RBFOX1: variants seen among roughly 807,000 people sequenced by gnomAD.
RBFOX1 encodes RNA binding fox-1 homolog 1.
Under a neutral mutation model 57.7 loss-of-function variants are expected in RBFOX1, and 8 were observed. The ratio of observed to expected loss-of-function variants is 0.14; its 90% CI spans 0.08 to 0.25. The LOEUF (loss-of-function observed/expected upper bound fraction) is 0.25, where lower values mean the gene tolerates loss of function less well. RBFOX1 is among the 10% of genes least tolerant of loss of function. RBFOX1 has a pLI of 1.00. For missense variants in RBFOX1, 611 were observed against 548.5 expected (o/e 1.11, Z -1.14); for synonymous variants, 326 against 222.4 (o/e 1.47, Z -4.15).
chr16:6,518,121 A>T (rs940594683), intron 2 of RBFOX1, among the ~76,000 whole-genome samples: 1 of 152,196 alleles, frequency 6.6e-6, no homozygotes, highest in Non-Finnish European at 1.5e-5. Flanking sequence ...CAATGGATGA[A>T]AATGTGGATT....
rs143773540 is a variant in RBFOX1 at position 6,822,485 on chromosome 16, A to G, written c.-16+167835A>G. ...AGAGAAAGGGTTATAAATAAAACAC[A>G]TGCATCAATCTGAGTTTCACAACAG... On this transcript the variant is annotated intron_variant, in intron 3 of 15. Coordinates refer to ENST00000550418, the MANE Select transcript of RBFOX1 (RefSeq NM_018723.4). Among the ~76,000 whole-genome samples the G allele has an allele frequency of 1.7e-4, 26 of 152,338 alleles. 1 individual carries two copies. In the East Asian group the frequency reaches 5.0e-3, roughly 29 times the overall value.
intron 4 of RBFOX1, among the ~76,000 whole-genome samples, chr16:7,067,119 C>T (rs1481759671): frequency 6.6e-6 from 1 of 152,152 alleles, no homozygotes; most frequent in Non-Finnish European, 1.5e-5. Context: ...CATATGCCAG[C>T]GGCAGCCTTC....
chr16:6,484,025 T>A lies in RBFOX1; in HGVS notation c.-64+166968T>A, dbSNP rs9927387. 7.2e-4 allele frequency: 586 copies of A among 816,948 alleles called. 2 individuals are homozygous for A. The African/African-American group carries it at 0.01, about 15-fold the overall frequency. The allele number at this position is 816,948 out of a possible 1,614,324, so 50.6% of individuals were successfully genotyped here. A position where few individuals can be genotyped will look rare whatever the true frequency, so the allele number is the denominator to read the frequency against. On this transcript the variant is annotated intron_variant, in intron 2 of 15. Coordinates refer to ENST00000550418, the MANE Select transcript of RBFOX1 (RefSeq NM_018723.4). ...ACACTTGGAGAGGGCTAGGGGGCGT[T>A]TAGAGGGATTGGGGAGCCCGGAGAT... is the stretch of plus-strand genomic sequence containing the variant.
intron 2 of RBFOX1, among the ~76,000 whole-genome samples, chr16:5,538,448 G>A (rs1240613547): frequency 6.6e-6 from 1 of 152,060 alleles, no homozygotes; most frequent in Non-Finnish European, 1.5e-5. Context: ...AAGGCTTTTA[G>A]ACGAAAAATG....
In RBFOX1 at chr16:5,661,788, T is replaced by C. The variant is rs80204843; in HGVS notation, c.318+62827T>C. Among the ~76,000 whole-genome samples the C allele has an allele frequency of 5.4e-3, 825 of 152,192 alleles. 6 individuals are homozygous for C. The highest frequency in any genetic ancestry group is 0.019 in the African/African-American group (794 of 41,496). Reference sequence around the variant, plus strand: ...TACATTGGATTCCCAAAACTTAGCCTTTTTTTATTTTTTTTGAGATGGAGT... The same window carrying C: ...TACATTGGATTCCCAAAACTTAGCCCTTTTTTATTTTTTTTGAGATGGAGT... On this transcript the variant is annotated intron_variant, in intron 3 of 19. Coordinates refer to the RBFOX1 transcript ENST00000641259.
intron 1 of RBFOX1, among the ~76,000 whole-genome samples, chr16:5,276,777 A>G (rs1450221812): frequency 2.0e-5 from 3 of 152,218 alleles, no homozygotes; most frequent in Non-Finnish European, 2.9e-5. Flanking sequence ...TCTCAAAACA[A>G]CAACAACAAA....
intron 2 of RBFOX1, among the ~76,000 whole-genome samples, chr16:6,346,214 T>C (rs2085342515): frequency 1.3e-5 from 2 of 152,186 alleles, no homozygotes; most frequent in Non-Finnish European, 1.5e-5. Flanking sequence ...TTATTATATA[T>C]AGTGCCAATA....
intron 4 of RBFOX1, among the ~76,000 whole-genome samples, chr16:7,105,493 C>T (rs929711571): frequency 3.3e-5 from 5 of 152,012 alleles, no homozygotes; most frequent in Admixed American, 1.3e-4. Flanking sequence ...CACCCTTTCC[C>T]CTGAGTCCAC....
intron 3 of RBFOX1, among the ~76,000 whole-genome samples, chr16:6,965,023 G>A (rs76141794): frequency 1.3e-5 from 2 of 152,128 alleles, no homozygotes; most frequent in Non-Finnish European, 2.9e-5. Context: ...TATGATTGTT[G>A]CTTTATTATC....
chr16:6,698,552 C>A (rs138205680), intron 3 of RBFOX1, among the ~76,000 whole-genome samples: 263 of 152,280 alleles, frequency 1.7e-3, no homozygotes, highest in African/African-American at 5.8e-3. Context: ...TTTGTTTGCT[C>A]TTCTGAAGTC....
Position 5,340,563 on chromosome 16 carries a change from A to T in RBFOX1, c.219+100458A>T, listed in dbSNP as rs1462859598. Among the ~76,000 whole-genome samples, 3 of 152,188 alleles carry T rather than the reference A, an allele frequency of 2.0e-5. 1 individual carries two copies. Among genetic ancestry groups the T allele is most frequent in the African/African-American group, 4.8e-5 (2 of 41,450 alleles). ...CAGTTAAAGAACACATTCATGGAGC[A>T]TTTAGTTTTTGGATGGAACTGAGCT... On this transcript the variant is annotated intron_variant, in intron 1 of 2. Transcript: ENST00000585867.
At chr16:6,741,292 GA>G (rs1221895194) in intron 3 of RBFOX1, among the ~76,000 whole-genome samples, 1 of 151,984 alleles carries the variant, frequency 6.6e-6, no homozygotes, top group African/African-American at 2.4e-5. Context: ...AATCCTATAG[GA>G]AAAATATCTT....
intron 3 of RBFOX1, among the ~76,000 whole-genome samples, chr16:5,837,606 CTT>C (rs35808036): frequency 0.022 from 3,114 of 143,732 alleles, 44 homozygotes; most frequent in Non-Finnish European, 0.033. Flanking sequence ...CCAGCCCCCT[CTT>C]TTTTTTTTTT....
At chr16:7,194,623 A>G (rs371325640) in intron 4 of RBFOX1, among the ~76,000 whole-genome samples, 12 of 152,284 alleles carry the variant, frequency 7.9e-5, no homozygotes, top group African/African-American at 2.2e-4. Context: ...TCGTTTTATT[A>G]CATTTAGAAA....
chr16:5,659,744 G>A (rs2049584877), intron 3 of RBFOX1, among the ~76,000 whole-genome samples: 1 of 152,110 alleles, frequency 6.6e-6, no homozygotes, highest in South Asian at 2.1e-4. Flanking sequence ...AAAGAGTTTC[G>A]TCCAGTTACC....
intron 2 of RBFOX1, among the ~76,000 whole-genome samples, chr16:6,468,853 T>TG (rs367581670): frequency 1.4e-3 from 219 of 152,246 alleles, no homozygotes; most frequent in Middle Eastern, 6.8e-3. Flanking sequence ...ACTTGTGTCA[T>TG]GGGGGTTCAT....
chr16:5,889,711 A>C (rs2151932258), intron 4 of RBFOX1, among the ~76,000 whole-genome samples: 1 of 152,360 alleles, frequency 6.6e-6, no homozygotes, highest in Middle Eastern at 3.4e-3. Flanking sequence ...GTGGCAGCCC[A>C]TGCTAGAGGG....
chr16:5,881,961 T>A (rs2057774983), intron 4 of RBFOX1, among the ~76,000 whole-genome samples: 1 of 152,244 alleles, frequency 6.6e-6, no homozygotes, highest in Non-Finnish European at 1.5e-5. Context: ...TACGACTTGT[T>A]AAGCACTCCC....
chr16:5,978,752 C>G (rs1272365174), intron 4 of RBFOX1, among the ~76,000 whole-genome samples: 3 of 150,846 alleles, frequency 2.0e-5, no homozygotes, highest in Non-Finnish European at 4.4e-5. Flanking sequence ...TCCTGTACAT[C>G]CAGTCTGGGT....
Sources: gnomAD v4.1 joint callset for allele counts (sites outside exome capture counted in the v4.1 genomes callset) on GRCh38, gnomAD v4.1.1 for gene constraint, MANE v1.5 for transcripts, NCBI Gene and HGNC (gene_info 2026-07-23, HGNC 2026-07-21) for gene names.